FBXL7: variants seen among roughly 807,000 people sequenced by gnomAD.
The protein encoded by FBXL7 is F-box/LRR-repeat protein 7.
In FBXL7, 12 loss-of-function variants were observed where a neutral mutation model predicts 38.3. The observed-to-expected ratio is 0.31, with a 90% CI of 0.20 to 0.51. FBXL7 has a LOEUF of 0.51. Among genes scored for constraint, FBXL7 ranks in the 20% least tolerant of loss-of-function variants. The pLI is 0.98. For synonymous variants in FBXL7, 297 were observed against 300.9 expected, an observed-to-expected ratio of 0.99 and a Z score of 0.13; for missense variants, 567 against 676.4, an observed-to-expected ratio of 0.84 and a Z score of 1.79.
chr5:15,778,539 A>G (rs1029207873), intron 2 of FBXL7, among the ~76,000 whole-genome samples: 70 of 152,086 alleles, frequency 4.6e-4, no homozygotes, highest in African/African-American at 1.6e-3. Flanking sequence ...TTTTCCCCTA[A>G]AAGAAATCCA....
chr5:15,804,984 G>T (rs1339611496), intron 2 of FBXL7, among the ~76,000 whole-genome samples: 6 of 139,602 alleles, frequency 4.3e-5, no homozygotes, highest in Non-Finnish European at 9.7e-5. Flanking sequence ...CAAGATGTCA[G>T]CAGGGCTGGC....
chr5:15,591,654 C>T (rs1471862693), intron 1 of FBXL7, among the ~76,000 whole-genome samples: 1 of 152,056 alleles, frequency 6.6e-6, no homozygotes, highest in Non-Finnish European at 1.5e-5. Context: ...GTCCCCTCTG[C>T]CCCAGATCTT....
chr5:15,724,941 A>G (rs552746368), intron 2 of FBXL7, among the ~76,000 whole-genome samples: 53 of 152,302 alleles, frequency 3.5e-4, no homozygotes, highest in Admixed American at 2.2e-3. Flanking sequence ...TTTAGTATAT[A>G]TAAACAAAGA....
intron 2 of FBXL7, among the ~76,000 whole-genome samples, chr5:15,620,125 G>A (rs1239752842): frequency 1.3e-5 from 2 of 152,060 alleles, no homozygotes; most frequent in African/African-American, 4.8e-5. Context: ...AGTAAATTTA[G>A]TAAAAAGCAT....
At chr5:15,851,195 C>T (rs959103111) in intron 2 of FBXL7, among the ~76,000 whole-genome samples, 10 of 152,182 alleles carry the variant, frequency 6.6e-5, no homozygotes, top group African/African-American at 2.4e-4. Context: ...TTGGCATCAG[C>T]TTGTCTATTT....
chr5:15,936,791 G>C lies in FBXL7; in HGVS notation c.1081G>C (p.Gly361Arg), dbSNP rs375930592. The change falls in exon 4 of 4, where the codon GGC becomes CGC. Residue 361 changes from glycine to arginine, a missense_variant. By Grantham distance (125) the Gly-to-Arg change is moderately radical. Transcript: ENST00000504595. The surrounding 1 kb of genome is among the most constrained non-coding windows in gnomAD (Gnocchi z 6.0). ...GCGGTACCTGAGCATCGCGCACTGC[G>C]GCCGGGTCACCGACGTGGGCATCCG... The part of the protein sequence containing the change: ...RLRYLSIAHC[G>R]RVTDVGIRYV... 6.2e-7 allele frequency: 1 copy of C among 1,612,206 alleles called. No homozygotes were observed.
chr5:15,590,089 G>GT (rs1451036155), intron 1 of FBXL7, among the ~76,000 whole-genome samples: 1 of 152,290 alleles, frequency 6.6e-6, no homozygotes, highest in Non-Finnish European at 1.5e-5. Flanking sequence ...AGTAAATGGT[G>GT]TTAGGAAGAT....
At chr5:15,706,297 G>A (rs904673754) in intron 2 of FBXL7, among the ~76,000 whole-genome samples, 10 of 152,030 alleles carry the variant, frequency 6.6e-5, no homozygotes, top group South Asian at 4.1e-4. Context: ...GTGGCACCCC[G>A]CCACCACCAA....
At chr5:15,872,285 C>T (rs1368646508) in intron 2 of FBXL7, among the ~76,000 whole-genome samples, 1 of 152,034 alleles carries the variant, frequency 6.6e-6, no homozygotes, top group Non-Finnish European at 1.5e-5. Flanking sequence ...GCACTAAATA[C>T]AGAAAGGAAA....
At chr5:15,874,998 A>G (rs1410895116) in intron 2 of FBXL7, among the ~76,000 whole-genome samples, 1 of 152,232 alleles carries the variant, frequency 6.6e-6, no homozygotes, top group East Asian at 1.9e-4. Flanking sequence ...GCATCACGCT[A>G]CCTGACTTCA....
At chr5:15,873,475 A>G (rs1272791330) in intron 2 of FBXL7, among the ~76,000 whole-genome samples, 1 of 152,188 alleles carries the variant, frequency 6.6e-6, no homozygotes, top group African/African-American at 2.4e-5. Context: ...TGAATCCAGG[A>G]GGTGGTTTTT....
At chr5:15,748,530 C>G (rs951920535) in intron 2 of FBXL7, among the ~76,000 whole-genome samples, 1 of 152,190 alleles carries the variant, frequency 6.6e-6, no homozygotes, top group African/African-American at 2.4e-5. Context: ...CATAAGCCCT[C>G]TCTTGCCTGA....
chr5:15,554,019 A>G (rs1738161430), intron 1 of FBXL7, among the ~76,000 whole-genome samples: 1 of 152,212 alleles, frequency 6.6e-6, no homozygotes, highest in Admixed American at 6.5e-5. Context: ...GGAAAAGTGC[A>G]GAAAAGTTAT....
chr5:15,932,771 A>G (rs1206292479), intron 3 of FBXL7, among the ~76,000 whole-genome samples: 1 of 151,836 alleles, frequency 6.6e-6, no homozygotes, highest in Non-Finnish European at 1.5e-5. Context: ...CATCCAAATT[A>G]TTTCTCTCTT....
intron 1 of FBXL7, among the ~76,000 whole-genome samples, chr5:15,525,656 A>T (rs1016873857): frequency 6.6e-6 from 1 of 152,188 alleles, no homozygotes. Context: ...CCATACATAC[A>T]TATACACACA....
chr5:15,602,085 C>G (rs1739814063), intron 1 of FBXL7: 1 of 152,190 alleles, frequency 6.6e-6, no homozygotes, highest in Admixed American at 6.5e-5. Flanking sequence ...TTGCTGGCAA[C>G]TACGAGAAGT....
rs569975200 is a variant in FBXL7 at position 15,589,050 on chromosome 5, C to T, written c.38-26933C>T. ...CTTGTTGTTGTAACTAATAGAATGA[C>T]GTACAAAGTATGCTAACTGAGAAAG... On this transcript the variant is annotated intron_variant, in intron 1 of 3. Transcript: ENST00000504595. Among the ~76,000 whole-genome samples the T allele has an allele frequency of 6.6e-5, 10 of 152,186 alleles. No homozygotes were observed. The East Asian group carries it at 1.2e-3, about 18-fold the overall frequency.
chr5:15,575,733 A>C, intron 1 of FBXL7, among the ~76,000 whole-genome samples: 1 of 152,214 alleles, frequency 6.6e-6, no homozygotes, highest in East Asian at 1.9e-4. Flanking sequence ...GCATGCAATA[A>C]CATAAGCAGA....
intron 2 of FBXL7, among the ~76,000 whole-genome samples, chr5:15,827,794 GC>G (rs1173347762): frequency 1.3e-5 from 2 of 152,142 alleles, no homozygotes; most frequent in Non-Finnish European, 2.9e-5. Context: ...CTACTAAGAG[GC>G]ATGCGTTGCA....
Sources: gnomAD v4.1 joint callset for allele counts (sites outside exome capture counted in the v4.1 genomes callset) on GRCh38, gnomAD v4.1.1 for gene constraint, Gnocchi (gnomAD v3.1) non-coding constraint, MANE v1.5 for transcripts, NCBI Gene and HGNC (gene_info 2026-07-23, HGNC 2026-07-21) for gene names.